The following KLRG1 variants were observed in gnomAD, a reference collection of about 807,000 sequenced individuals.
KLRG1 encodes the protein killer cell lectin like receptor G1, also known as killer cell lectin-like receptor subfamily G member 1.
In KLRG1, 16 loss-of-function variants were observed where a neutral mutation model predicts 21.8. That is an observed-to-expected ratio of 0.73 (90% CI 0.50 to 1.11). The LOEUF (loss-of-function observed/expected upper bound fraction) is 1.11, where lower values mean the gene tolerates loss of function less well. Ranked by LOEUF, KLRG1 falls within the 50% of genes most tolerant of loss-of-function variation. KLRG1 has a pLI of 0.00. For synonymous variants in KLRG1, 69 were observed against 75.9 expected, an observed-to-expected ratio of 0.91 and a Z score of 0.47; for missense variants, 173 against 218.3, an observed-to-expected ratio of 0.79 and a Z score of 1.31.
chr12:9,208,817 G>C, the KLRG1 span, among the ~76,000 whole-genome samples: 1 of 152,120 alleles, frequency 6.6e-6, no homozygotes, highest in Non-Finnish European at 1.5e-5. Flanking sequence ...GCAGTTGATT[G>C]AGTACATGGT....
At chr12:9,025,880 T>C in the KLRG1 span, among the ~76,000 whole-genome samples, 1 of 152,146 alleles carries the variant, frequency 6.6e-6, no homozygotes, top group African/African-American at 2.4e-5. Flanking sequence ...AAAGACAAGG[T>C]CATATACTAA....
the KLRG1 span, among the ~76,000 whole-genome samples, chr12:9,015,808 A>T: frequency 6.6e-6 from 1 of 152,210 alleles, no homozygotes; most frequent in Non-Finnish European, 1.5e-5. Context: ...CATGTCAGTT[A>T]TCTTCTCTGA....
chr12:9,168,863 T>C, the KLRG1 span: 1 of 1,603,110 alleles, frequency 6.2e-7, no homozygotes, highest in Non-Finnish European at 8.5e-7. Context: ...CAAATTGCTG[T>C]TTTACCTCCA....
At chr12:9,095,679 TTTCTGGTAGCAGGTTGTAAACCTGTAC>T in the KLRG1 span, 2 of 1,612,786 alleles carry the variant, frequency 1.2e-6, no homozygotes, top group Non-Finnish European at 1.7e-6. Flanking sequence ...GTGAGGTCCT[TTTCTGGTAGCAGGTTGTAAACCTGTAC>T]AAATACGAAA....
chr12:9,080,226 T>C, the KLRG1 span: 1 of 1,326,480 alleles, frequency 7.5e-7, no homozygotes, highest in Non-Finnish European at 1.1e-6. Flanking sequence ...CTGCATTATA[T>C]CTTTCTAAAC....
At chr12:9,197,012 C>A in the KLRG1 span, 1 of 1,596,236 alleles carries the variant, frequency 6.3e-7, no homozygotes, top group East Asian at 2.2e-5. Context: ...GCCTACTAAC[C>A]TGTTGACTGA....
the KLRG1 span, chr12:9,098,597 A>G: frequency 5.6e-4 from 894 of 1,590,078 alleles, 6 homozygotes; most frequent in African/African-American, 0.01. Flanking sequence ...TGAGGCTGCC[A>G]GGAACTCACC....
At chr12:9,025,585 C>T in the KLRG1 span, among the ~76,000 whole-genome samples, 1 of 152,072 alleles carries the variant, frequency 6.6e-6, no homozygotes. Context: ...TGCAGTGAGC[C>T]GAGATCGTGC....
the KLRG1 span, among the ~76,000 whole-genome samples, chr12:9,044,962 A>G: frequency 6.6e-6 from 1 of 152,224 alleles, no homozygotes; most frequent in Non-Finnish European, 1.5e-5. Context: ...TAAAGGAGTG[A>G]ATAAAATTTT....
the KLRG1 span, among the ~76,000 whole-genome samples, chr12:9,137,143 A>G: frequency 1.7e-4 from 26 of 152,112 alleles, no homozygotes; most frequent in Admixed American, 1.4e-3. Flanking sequence ...TTTTTCTTAT[A>G]TCAGTTTTAC....
At chr12:9,114,905 A>G in the KLRG1 span, among the ~76,000 whole-genome samples, 1 of 152,234 alleles carries the variant, frequency 6.6e-6, no homozygotes, top group Non-Finnish European at 1.5e-5. Flanking sequence ...TATGATTCAT[A>G]CATATTAGAT....
the KLRG1 span, among the ~76,000 whole-genome samples, chr12:9,082,296 A>G: frequency 7.9e-5 from 12 of 152,332 alleles, no homozygotes; most frequent in Non-Finnish European, 1.2e-4. Context: ...TCAGGTCCCA[A>G]ATAGCAGAAT....
At chr12:9,041,200 T>C in the KLRG1 span, among the ~76,000 whole-genome samples, 8 of 152,170 alleles carry the variant, frequency 5.3e-5, no homozygotes, top group Non-Finnish European at 1.5e-5. Context: ...CCAGGTGAGA[T>C]GGCTCATGCC....
intron 1 of KLRG1, among the ~76,000 whole-genome samples, chr12:8,972,827 A>T (rs1368740676): frequency 5.3e-5 from 8 of 152,072 alleles, no homozygotes; most frequent in African/African-American, 1.4e-4. Context: ...TTTAAGGATT[A>T]TTATTACTAT....
chr12:9,167,507 C>T, the KLRG1 span: 1 of 152,212 alleles, frequency 6.6e-6, no homozygotes, highest in African/African-American at 2.4e-5. Flanking sequence ...TCACCGCTTC[C>T]CTTGGCTGGG....
chr12:8,962,755 GAAAC>G (rs1272125766), intron 1 of KLRG1, among the ~76,000 whole-genome samples: 2 of 151,040 alleles, frequency 1.3e-5, no homozygotes, highest in Non-Finnish European at 3.0e-5. Flanking sequence ...AAAAGTAAAG[GAAAC>G]AAACAAAATA....
intron 1 of KLRG1, among the ~76,000 whole-genome samples, chr12:8,978,375 A>T (rs1946691508): frequency 6.6e-6 from 1 of 152,188 alleles, no homozygotes; most frequent in Admixed American, 6.5e-5. Flanking sequence ...TTTAGTATAG[A>T]TGAATTCTCA....
At chr12:9,196,982 T>C in the KLRG1 span, 6 of 1,447,128 alleles carry the variant, frequency 4.1e-6, no homozygotes, top group Non-Finnish European at 4.9e-6. Context: ...TAAACAGTGA[T>C]AGCACTGAGG....
At chr12:9,183,783 C>T in the KLRG1 span, among the ~76,000 whole-genome samples, 6 of 152,170 alleles carry the variant, frequency 3.9e-5, 1 homozygote, top group East Asian at 1.2e-3. Flanking sequence ...TGGAATTTTT[C>T]CAACTTCATG....
Sources: allele counts gnomAD v4.1 joint callset (sites outside exome capture counted in the v4.1 genomes callset), GRCh38; gene constraint gnomAD v4.1.1; transcripts MANE v1.5; gene names NCBI Gene and HGNC (gene_info 2026-07-23, HGNC 2026-07-21).